Variants in GSE1 observed in about 807,000 individuals in gnomAD.
GSE1 encodes genetic suppressor element 1.
A neutral mutation model predicts 112.6 loss-of-function variants in GSE1; 32 were observed. That is an observed-to-expected ratio of 0.28 (90% CI 0.21 to 0.38). The LOEUF (loss-of-function observed/expected upper bound fraction) is 0.38, where lower values mean the gene tolerates loss of function less well. Among genes scored for constraint, GSE1 ranks in the 10% least tolerant of loss-of-function variants. The pLI is 1.00. For synonymous variants in GSE1, 1,115 were observed against 735.6 expected (o/e 1.52, Z -8.35); for missense variants, 2,348 against 1,699.2 (o/e 1.38, Z -6.71).
At position 85,459,202 on chromosome 16, in the gene GSE1, G is replaced by C. The variant is rs928499455; in HGVS notation, c.2464+101559G>C. On this transcript the variant is annotated intron_variant, in intron 2 of 2. Coordinates refer to the GSE1 transcript ENST00000637419. Reference sequence around the variant, plus strand: ...GCAGATTCTATCTAGAACAACCACCGTGCCAATTGCAAACGCCACCCCCAG... The same window carrying C: ...GCAGATTCTATCTAGAACAACCACCCTGCCAATTGCAAACGCCACCCCCAG... Among the ~76,000 whole-genome samples, 14 of 152,328 alleles carry C rather than the reference G, an allele frequency of 9.2e-5. No individual in the cohort carries two copies. The East Asian group carries it at 1.7e-3, about 19-fold the overall frequency.
chr16:85,566,991 T>A (rs1322901888), intron 1 of GSE1, among the ~76,000 whole-genome samples: 1 of 151,870 alleles, frequency 6.6e-6, no homozygotes, highest in Non-Finnish European at 1.5e-5. Flanking sequence ...TGTCACGGCC[T>A]TTATCTTAGA....
chr16:85,591,356 C>G (rs1244123154), intron 1 of GSE1, among the ~76,000 whole-genome samples: 1 of 152,190 alleles, frequency 6.6e-6, no homozygotes, highest in Admixed American at 6.5e-5. Flanking sequence ...ACTGAGGGCC[C>G]CAACTCAGAA....
intron 2 of GSE1, among the ~76,000 whole-genome samples, chr16:85,541,640 G>T (rs1164627859): frequency 1.3e-5 from 2 of 152,224 alleles, no homozygotes; most frequent in African/African-American, 4.8e-5. Context: ...GTGGGCCTGA[G>T]GTCCTGTTTC....
intron 1 of GSE1, among the ~76,000 whole-genome samples, chr16:85,626,551 T>C (rs529875215): frequency 1.2e-3 from 176 of 152,328 alleles, no homozygotes; most frequent in African/African-American, 4.1e-3. Flanking sequence ...AGATTGTGTG[T>C]GCGGGGCCTG....
At chr16:85,171,174 C>T (rs1417272766) in exon 1 of GSE1, 1 of 985,520 alleles carries the variant, frequency 1.0e-6, no homozygotes, top group African/African-American at 1.7e-5. Context: ...TGTACCGGGC[C>T]TGCCAGAACG....
intron 2 of GSE1, among the ~76,000 whole-genome samples, chr16:85,424,382 T>C (rs1240203594): frequency 1.3e-5 from 2 of 152,142 alleles, no homozygotes; most frequent in Non-Finnish European, 2.9e-5. Context: ...GGGGGCTTCC[T>C]GGTGAGAGGC....
At chr16:85,423,661 C>T (rs1306463334) in intron 2 of GSE1, among the ~76,000 whole-genome samples, 5 of 152,080 alleles carry the variant, frequency 3.3e-5, no homozygotes, top group Non-Finnish European at 7.4e-5. Flanking sequence ...TGGGGTGTGG[C>T]CTGGTGTCCA....
At chr16:85,612,698 A>T (rs1226233484), upstream of GSE1, among the ~76,000 whole-genome samples, 2 of 121,120 alleles carry the variant, frequency 1.7e-5, no homozygotes, top group African/African-American at 6.3e-5. Flanking sequence ...AAGGTCAGGC[A>T]TGGGGGGGGT....
chr16:85,661,916 T>G (rs761690750), intron 9 of GSE1, 151 bp downstream of exon 9: 118 of 713,708 alleles, frequency 1.7e-4, no homozygotes, highest in Non-Finnish European at 2.2e-4. Context: ...CTGGCTTCTT[T>G]GTAGCAGCAT....
At chr16:85,620,944 G>T (rs1212930968) in intron 1 of GSE1, among the ~76,000 whole-genome samples, 1 of 151,568 alleles carries the variant, frequency 6.6e-6, no homozygotes. Flanking sequence ...CTCGGCCATG[G>T]GTGTCTGCTG....
intron 2 of GSE1, among the ~76,000 whole-genome samples, chr16:85,471,820 C>T (rs1018817326): frequency 1.3e-5 from 2 of 152,200 alleles, no homozygotes; most frequent in African/African-American, 2.4e-5. Context: ...CAATGATCTT[C>T]CCGCCTCAGC....
chr16:85,463,840 C>A (rs753466446), intron 2 of GSE1, among the ~76,000 whole-genome samples: 3 of 152,072 alleles, frequency 2.0e-5, no homozygotes, highest in African/African-American at 4.8e-5. Context: ...GCCACAGGTG[C>A]GGGTGTGAAG....
At chr16:85,660,868 G>C (rs2052371427) in intron 8 of GSE1, among the ~76,000 whole-genome samples, 1 of 152,070 alleles carries the variant, frequency 6.6e-6, no homozygotes, top group South Asian at 2.1e-4. Context: ...CTGACCTTGT[G>C]ATCCACCCTC....
chr16:85,439,442 C>T (rs1022624548), intron 2 of GSE1, among the ~76,000 whole-genome samples: 1 of 152,168 alleles, frequency 6.6e-6, no homozygotes, highest in Non-Finnish European at 1.5e-5. Context: ...AATGGCCGAG[C>T]AGGAGGGGGA....
chr16:85,606,376 C>T (rs2047703908), intron 1 of GSE1, among the ~76,000 whole-genome samples: 1 of 152,240 alleles, frequency 6.6e-6, no homozygotes, highest in Non-Finnish European at 1.5e-5. Flanking sequence ...AGCTCCACAA[C>T]CTCATCCGTG....
chr16:85,466,718 AGAGG>A (rs2050135179), intron 2 of GSE1, among the ~76,000 whole-genome samples: 1 of 146,000 alleles, frequency 6.8e-6, no homozygotes, highest in Non-Finnish European at 1.5e-5. Context: ...AGAGAGGGAG[AGAGG>A]GAGAGAGAGG....
At chr16:85,602,214 C>T (rs1023853560) in intron 1 of GSE1, among the ~76,000 whole-genome samples, 1 of 151,852 alleles carries the variant, frequency 6.6e-6, no homozygotes, top group African/African-American at 2.4e-5. Context: ...CAGCACACAG[C>T]GCCCAGGGGG....
intron 1 of GSE1, among the ~76,000 whole-genome samples, chr16:85,308,723 A>T (rs1341560948): frequency 1.3e-5 from 2 of 151,894 alleles, no homozygotes; most frequent in African/African-American, 4.8e-5. Flanking sequence ...TGGTTCTTGA[A>T]TTCTGCAAGA....
chr16:85,603,470 T>A (rs763687515), intron 1 of GSE1, among the ~76,000 whole-genome samples: 1 of 152,192 alleles, frequency 6.6e-6, no homozygotes, highest in Non-Finnish European at 1.5e-5. Context: ...ATCTGGCCTC[T>A]CCCAGGGACA....
Sources: gnomAD v4.1 joint callset for allele counts (sites outside exome capture counted in the v4.1 genomes callset) on GRCh38, gnomAD v4.1.1 for gene constraint, MANE v1.5 for transcripts, NCBI Gene and HGNC (gene_info 2026-07-23, HGNC 2026-07-21) for gene names.